The following MGAT5 variants were observed in gnomAD, a reference collection of about 807,000 sequenced individuals.
The protein encoded by MGAT5 is alpha-1,6-mannosylglycoprotein 6-beta-N-acetylglucosaminyltransferase, also known as alpha-1,6-mannosylglycoprotein 6-beta-N-acetylglucosaminyltransferase A.
MGAT5 carries 30 observed loss-of-function variants against 94.3 expected under a neutral mutation model. The ratio of observed to expected loss-of-function variants is 0.32; its 90% CI spans 0.24 to 0.43. MGAT5 has a LOEUF of 0.43. MGAT5 is among the 20% of genes least tolerant of loss of function. The pLI, the probability that MGAT5 is intolerant of heterozygous loss-of-function variation, is 1.00. For missense variants in MGAT5, 691 were observed against 905.5 expected (o/e 0.76, Z 3.04); for synonymous variants, 310 against 322.9 (o/e 0.96, Z 0.43).
At chr2:134,336,717 T>C (rs759556198) in intron 5 of MGAT5, among the ~76,000 whole-genome samples, 41 of 152,058 alleles carry the variant, frequency 2.7e-4, no homozygotes, top group Admixed American at 1.6e-3. Flanking sequence ...AGTGAGTTTA[T>C]ATAAGGTCAA....
At chr2:134,403,235 C>T in intron 11 of MGAT5, 98 bp downstream of exon 11, 1 of 1,297,668 alleles carries the variant, frequency 7.7e-7, no homozygotes, top group Non-Finnish European at 1.0e-6. Context: ...CTGCAATAAA[C>T]TCTTGTGGCT....
intron 1 of MGAT5, among the ~76,000 whole-genome samples, chr2:134,230,104 C>G (rs151057098): frequency 1.3e-5 from 2 of 152,138 alleles, no homozygotes; most frequent in Admixed American, 1.3e-4. Flanking sequence ...GGTTTCATGG[C>G]GGATAATTTT....
rs755077137 is a variant in MGAT5 at position 134,441,714 on chromosome 2, C to T, written c.1870-44C>T. 8.9e-6 allele frequency: 14 copies of T among 1,580,334 alleles called. No homozygotes were observed. The South Asian group carries it at 1.6e-4, about 18-fold the overall frequency. On this transcript the variant is annotated intron_variant, in intron 14 of 15. Transcript: ENST00000281923. ...GGTTGGCAGGGCTGGGGATCCCCAG[C>T]TGTATCCTTGGACCTGTGGCTGATG...
Position 134,254,342 on chromosome 2 carries a change from A to G in MGAT5, c.-62A>G. 5.7e-6 allele frequency: 9 copies of G among 1,588,860 alleles called. No individual in the cohort carries two copies. The highest frequency in any genetic ancestry group is 7.7e-6 in the Non-Finnish European group (9 of 1,167,118). On this transcript the variant is annotated 5_prime_UTR_variant, in exon 1 of 16. The change abolishes an upstream ATG in the 5' untranslated region. Coordinates refer to ENST00000281923, the MANE Select transcript of MGAT5 (RefSeq NM_002410.5). Reference sequence around the variant, plus strand: ...CAGACTCTCACACTCAACCTACACCATGAATTTGTGTCTATCTTCTACGCG... The same window carrying G: ...CAGACTCTCACACTCAACCTACACCGTGAATTTGTGTCTATCTTCTACGCG...
At chr2:134,380,186 C>A (rs1361336936) in intron 10 of MGAT5, among the ~76,000 whole-genome samples, 1 of 152,178 alleles carries the variant, frequency 6.6e-6, no homozygotes, top group African/African-American at 2.4e-5. Flanking sequence ...ATTTTCTGGT[C>A]CAGACTCTCC....
intron 2 of MGAT5, among the ~76,000 whole-genome samples, chr2:134,287,259 G>A (rs533990403): frequency 4.1e-4 from 62 of 152,232 alleles, no homozygotes; most frequent in African/African-American, 1.4e-3. Flanking sequence ...TTCTTTCCAA[G>A]AGTTGTTGTT....
At chr2:134,286,851 C>CT (rs1685040418) in intron 2 of MGAT5, among the ~76,000 whole-genome samples, 2 of 152,100 alleles carry the variant, frequency 1.3e-5, no homozygotes, top group Admixed American at 6.6e-5. Flanking sequence ...TTGACCTCTG[C>CT]TTTTCAGAGT....
chr2:134,409,618 A>G (rs1683532347), intron 11 of MGAT5, among the ~76,000 whole-genome samples: 1 of 152,104 alleles, frequency 6.6e-6, no homozygotes, highest in East Asian at 1.9e-4. Context: ...CCAGAAAAGT[A>G]TGTGTTGTGT....
intron 2 of MGAT5, among the ~76,000 whole-genome samples, chr2:134,271,624 G>A (rs1315877567): frequency 3.3e-5 from 5 of 152,110 alleles, no homozygotes; most frequent in Non-Finnish European, 7.4e-5. Flanking sequence ...CATTATGCAA[G>A]GTGGTTGTTA....
chr2:134,163,039 A>G (rs1402730689), intron 1 of MGAT5, among the ~76,000 whole-genome samples: 3 of 152,198 alleles, frequency 2.0e-5, no homozygotes, highest in African/African-American at 7.2e-5. Flanking sequence ...AATACTCTTC[A>G]GAGACACCAA....
At chr2:134,343,673 G>A (rs1688756881) in intron 7 of MGAT5, among the ~76,000 whole-genome samples, 1 of 152,160 alleles carries the variant, frequency 6.6e-6, no homozygotes, top group East Asian at 1.9e-4. Context: ...ATGCCTCCAG[G>A]TAATTTCATT....
Position 134,390,362 on chromosome 2 carries a change from G to GT in MGAT5, c.1381-12619dup, listed in dbSNP as rs199796265. On this transcript the variant is annotated intron_variant, in intron 10 of 15. Coordinates refer to ENST00000281923, the MANE Select transcript of MGAT5 (RefSeq NM_002410.5). ...AGTTACTTTGTTTGTTTGTTTGTTT[G>GT]TTTTTTTATTATACTTTTTCTAGGG... 2.0e-5 allele frequency among the ~76,000 whole-genome samples: 3 copies of GT among 151,574 alleles called. No homozygotes were observed. The East Asian group carries it at 5.8e-4, about 29-fold the overall frequency.
intron 10 of MGAT5, among the ~76,000 whole-genome samples, chr2:134,381,528 C>T (rs112173992): frequency 5.4e-4 from 20 of 36,954 alleles, no homozygotes; most frequent in Middle Eastern, 6.8e-3. Context: ...GACAGACAGA[C>T]AGACAGACAG....
intron 10 of MGAT5, among the ~76,000 whole-genome samples, chr2:134,395,433 A>G (rs1486244197): frequency 6.6e-6 from 1 of 152,234 alleles, no homozygotes; most frequent in African/African-American, 2.4e-5. Context: ...TAGAGTGGGC[A>G]TAAGCATTGG....
At position 134,436,252 on chromosome 2, in the gene MGAT5, A is replaced by G. The variant is rs538383837; in HGVS notation, c.1870-5506A>G. ...CAGCTGGGAGCCAGAATCCTAACCC[A>G]GATCCCCAGCTTTCTCCTGCCACCT... On this transcript the variant is annotated intron_variant, in intron 14 of 15. Coordinates refer to ENST00000281923, the MANE Select transcript of MGAT5 (RefSeq NM_002410.5). Among the ~76,000 whole-genome samples, 10 of 152,322 alleles carry G rather than the reference A, an allele frequency of 6.6e-5. No homozygotes were observed. In the South Asian group the frequency reaches 8.3e-4, roughly 13 times the overall value.
chr2:134,388,234 G>A (rs904178488), intron 10 of MGAT5, among the ~76,000 whole-genome samples: 3 of 151,908 alleles, frequency 2.0e-5, no homozygotes, highest in South Asian at 2.1e-4. Context: ...ATTTTGCCAC[G>A]AAACATTTCT....
chr2:134,306,483 G>C (rs540283787), intron 2 of MGAT5, among the ~76,000 whole-genome samples: 1 of 152,254 alleles, frequency 6.6e-6, no homozygotes, highest in Admixed American at 6.5e-5. Flanking sequence ...GGACGGACAA[G>C]ACAGGCACAG....
intron 10 of MGAT5, among the ~76,000 whole-genome samples, chr2:134,392,920 C>G (rs1196599159): frequency 1.3e-5 from 2 of 152,190 alleles, no homozygotes; most frequent in African/African-American, 2.4e-5. Flanking sequence ...ATGGGTCTGC[C>G]CCACACCACA....
chr2:134,403,977 C>T (rs1486004248), intron 11 of MGAT5, among the ~76,000 whole-genome samples: 2 of 152,134 alleles, frequency 1.3e-5, no homozygotes, highest in Non-Finnish European at 2.9e-5. Flanking sequence ...TGTAATGGTG[C>T]CATGGAAGTA....
Sources: allele counts gnomAD v4.1 joint callset (sites outside exome capture counted in the v4.1 genomes callset), GRCh38; gene constraint gnomAD v4.1.1; transcripts MANE v1.5; gene names NCBI Gene and HGNC (gene_info 2026-07-23, HGNC 2026-07-21).